The following SFI1 variants were observed in gnomAD, a reference collection of about 807,000 sequenced individuals.
SFI1 encodes protein SFI1 homolog.
Under a neutral mutation model 207.5 loss-of-function variants are expected in SFI1, and 195 were observed. The ratio of observed to expected loss-of-function variants is 0.94; its 90% CI spans 0.84 to 1.06. The LOEUF is 1.06. Ranked by LOEUF, SFI1 falls within the 50% of genes least tolerant of loss-of-function variation. SFI1 has a pLI of 0.00. For missense variants in SFI1, 1,634 were observed against 1,588.0 expected (o/e 1.03, Z -0.49); for synonymous variants, 630 against 598.9 (o/e 1.05, Z -0.76).
intron 27 of SFI1, 185 bp downstream of exon 27, chr22:31,614,040 T>C (rs1720909596): frequency 1.3e-6 from 1 of 786,746 alleles, no homozygotes. Flanking sequence ...AGGGAGAGAA[T>C]GGAGTGGGAT....
In SFI1 at chr22:31,604,428, G is replaced by A. The variant is rs545507813; in HGVS notation, c.1977+24G>A. The A allele has an allele frequency of 5.4e-6, 8 of 1,488,250 alleles. No individual in the cohort carries two copies. In the South Asian group the frequency reaches 8.9e-5, roughly 17 times the overall value. The allele number at this position is 1,488,250 out of a possible 1,614,324, so 92.2% of individuals were successfully genotyped here. A position where few individuals can be genotyped will look rare whatever the true frequency, so the allele number is the denominator to read the frequency against. ...TGGTAGGAACTGCTGCTTCCCTCCT[G>A]ATCTTGCTGTGGGGACAGGGGAGGT... On this transcript the variant is annotated intron_variant, in intron 19 of 32. Coordinates refer to ENST00000400288, the MANE Select transcript of SFI1 (RefSeq NM_001007467.3).
At chr22:31,523,773 T>C (rs191787530) in intron 2 of SFI1, among the ~76,000 whole-genome samples, 1 of 152,262 alleles carries the variant, frequency 6.6e-6, no homozygotes, top group Non-Finnish European at 1.5e-5. Context: ...AATCAAGTGA[T>C]TTGCCATAAA....
chr22:31,615,119 T>C lies in SFI1; in HGVS notation c.3140T>C (p.Leu1047Pro), dbSNP rs1458891077. The C allele has an allele frequency of 1.2e-6, 2 of 1,608,492 alleles. No individual in the cohort carries two copies. The highest frequency in any genetic ancestry group is 3.4e-5 in the Admixed American group (2 of 59,258). Reference protein sequence around the residue: ...PAAPSLTRPFLAEAPTALVPH... With the variant: ...PAAPSLTRPFPAEAPTALVPH... Reference sequence around the variant, plus strand: ...GCCCCCTCCCTGACGCGGCCCTTCCTGGCAGAGGCCCCGACAGCACTGGTC... The same window carrying C: ...GCCCCCTCCCTGACGCGGCCCTTCCCGGCAGAGGCCCCGACAGCACTGGTC... Residue 1047 changes from leucine to proline, a missense_variant, in exon 29 of 33, where the codon CTG (leucine) becomes CCG (proline). Transcript: ENST00000400288.
chr22:31,603,366 G>C (rs940547874), intron 17 of SFI1, among the ~76,000 whole-genome samples: 2 of 152,288 alleles, frequency 1.3e-5, no homozygotes, highest in East Asian at 3.9e-4. Flanking sequence ...ACCACACCAC[G>C]TAGTTAAGAG....
At chr22:31,575,877 C>A (rs1291357504) in intron 10 of SFI1, among the ~76,000 whole-genome samples, 1 of 152,232 alleles carries the variant, frequency 6.6e-6, no homozygotes, top group Non-Finnish European at 1.5e-5. Context: ...TCCTCTTCAT[C>A]CTCATAGCAA....
intron 4 of SFI1, among the ~76,000 whole-genome samples, chr22:31,542,639 A>G (rs1007284643): frequency 7.2e-5 from 11 of 151,896 alleles, no homozygotes; most frequent in Non-Finnish European, 1.5e-5. Context: ...AAAAATATAT[A>G]TATAAATACT....
chr22:31,585,259 T>C (rs887326504), intron 14 of SFI1, 125 bp downstream of exon 14: 2 of 715,492 alleles, frequency 2.8e-6, no homozygotes, highest in Non-Finnish European at 4.5e-6. Context: ...AGAGAGGGTG[T>C]TGAAAAAGCT....
In SFI1 at chr22:31,605,106, C is replaced by T. The variant is rs1012663441; in HGVS notation, c.2054+161C>T. 9.9e-6 allele frequency: 6 copies of T among 605,498 alleles called. No homozygotes were observed. In the Admixed American group the frequency reaches 1.4e-4, roughly 14 times the overall value. 37.5% of individuals were successfully genotyped at this position (605,498 alleles called of 1,614,324 possible). A position where few individuals can be genotyped will look rare whatever the true frequency, so the allele number is the denominator to read the frequency against. On this transcript the variant is annotated intron_variant, in intron 20 of 32. Transcript: ENST00000400288. The stretch of plus-strand genomic sequence containing the variant: ...GGCTTTTCCACTTCACTCACGGGTT[C>T]GCCTTCATGTCTTAAGCCCCTGCTG...
chr22:31,519,181 AT>A (rs1257536113), intron 2 of SFI1, among the ~76,000 whole-genome samples: 1 of 152,186 alleles, frequency 6.6e-6, no homozygotes, highest in Non-Finnish European at 1.5e-5. Context: ...GGTTTAATGC[AT>A]TTAATGTATA....
chr22:31,528,120 T>A (rs1055912398), intron 2 of SFI1, among the ~76,000 whole-genome samples: 1 of 145,410 alleles, frequency 6.9e-6, no homozygotes. Context: ...CTCAAAAAAA[T>A]AATAAAAATA....
At chr22:31,526,871 C>T (rs558586942) in intron 2 of SFI1, among the ~76,000 whole-genome samples, 1 of 151,700 alleles carries the variant, frequency 6.6e-6, no homozygotes, top group African/African-American at 2.4e-5. Context: ...CCATCAATAC[C>T]TACGTTGGAA....
At position 31,613,672 on chromosome 22, in the gene SFI1, G is replaced by C; in HGVS notation, c.2813G>C (p.Gly938Ala). 1 of 1,609,814 alleles carries C rather than the reference G, an allele frequency of 6.2e-7. No individual in the cohort carries two copies. Among genetic ancestry groups the C allele is most frequent in the Non-Finnish European group, 8.5e-7 (1 of 1,177,788 alleles). The change falls in exon 27 of 33, where the codon GGC becomes GCC. Residue 938 changes from glycine to alanine, a missense_variant. Physicochemically the swap from Gly to Ala is moderately conservative, Grantham distance 60. Coordinates refer to ENST00000400288, the MANE Select transcript of SFI1 (RefSeq NM_001007467.3). ...TGGAAACAGAAAGTGCTGGGCCGGG[G>C]CGGGAAGCCTCAGCCCCTGGCAGCC... is the stretch of plus-strand genomic sequence containing the variant. ...TLWKQKVLGR[G>A]GKPQPLAAIA...
Position 31,613,476 on chromosome 22 carries a change from TGCAGCCA to T in SFI1, c.2692_2698del (p.Ala898Ter). The T allele has an allele frequency of 6.2e-7, 1 of 1,600,718 alleles. No individual in the cohort carries two copies. Among genetic ancestry groups the T allele is most frequent in the Non-Finnish European group, 8.5e-7 (1 of 1,177,488 alleles). ...AGGGTGCCACGCGGCTCCTGCGCTT[TGCAGCCA>T]GCATGAAGGCCTCCCGGCAGCAGCT... is the stretch of plus-strand genomic sequence containing the variant. On this transcript the variant is annotated frameshift_variant, in exon 26 of 33. Coordinates refer to ENST00000400288, the MANE Select transcript of SFI1 (RefSeq NM_001007467.3). LOFTEE classifies it high-confidence loss of function.
chr22:31,509,774 CTG>C (rs1363743643), intron 2 of SFI1, among the ~76,000 whole-genome samples: 2 of 152,062 alleles, frequency 1.3e-5, no homozygotes, highest in South Asian at 2.1e-4. Flanking sequence ...ATTTTTATGT[CTG>C]TAGTCACGAG....
At chr22:31,590,119 C>T (rs1380812067) in intron 15 of SFI1, among the ~76,000 whole-genome samples, 1 of 151,204 alleles carries the variant, frequency 6.6e-6, no homozygotes, top group African/African-American at 2.4e-5. Context: ...ATTCTTTCTC[C>T]TTTTGTTCTA....
rs970428524 is a variant in SFI1, at chr22:31,618,550, A to T, written c.*132A>T. On this transcript the variant is annotated 3_prime_UTR_variant, in exon 33 of 33. Coordinates refer to ENST00000400288, the MANE Select transcript of SFI1 (RefSeq NM_001007467.3). Reference sequence around the variant, plus strand: ...TGCAATTAAATGAATTACTGTTCAGAAGTCTCCCACTTTTCATACAAAAAT... The same window carrying T: ...TGCAATTAAATGAATTACTGTTCAGTAGTCTCCCACTTTTCATACAAAAAT... 7 of 929,970 alleles carry T rather than the reference A, an allele frequency of 7.5e-6. No individual in the cohort carries two copies. Among genetic ancestry groups the T allele is most frequent in the Non-Finnish European group, 1.1e-5 (7 of 665,856 alleles). The allele number at this position is 929,970 out of a possible 1,614,324, so 57.6% of individuals were successfully genotyped here. A position where few individuals can be genotyped will look rare whatever the true frequency, so the allele number is the denominator to read the frequency against.
chr22:31,535,743 T>C (rs2058935037), intron 4 of SFI1, among the ~76,000 whole-genome samples: 1 of 152,134 alleles, frequency 6.6e-6, no homozygotes, highest in Non-Finnish European at 1.5e-5. Context: ...TTTAAATTTA[T>C]ATGTCTTTAT....
At chr22:31,579,960 G>C (rs937783632) in intron 11 of SFI1, 1 of 222,474 alleles carries the variant, frequency 4.5e-6, no homozygotes, top group Non-Finnish European at 8.8e-6. Context: ...TGTTTACCTT[G>C]GTCTGTAGAA....
chr22:31,563,734 C>T lies in SFI1; in HGVS notation c.765+2342C>T, dbSNP rs572999862. Among the ~76,000 whole-genome samples, 33 of 152,054 alleles carry T rather than the reference C, an allele frequency of 2.2e-4. No individual in the cohort carries two copies. In the South Asian group the frequency reaches 2.3e-3, roughly 11 times the overall value. On this transcript the variant is annotated intron_variant, in intron 8 of 32. Coordinates refer to ENST00000400288, the MANE Select transcript of SFI1 (RefSeq NM_001007467.3). ...CCAAGTAGCTGGGATTACAGGCACG[C>T]GCCACCATGCCTGTCTAATTTTGTA...
Sources: allele counts gnomAD v4.1 joint callset (sites outside exome capture counted in the v4.1 genomes callset), GRCh38; gene constraint gnomAD v4.1.1; transcripts MANE v1.5; gene names NCBI Gene and HGNC (gene_info 2026-07-23, HGNC 2026-07-21).